CACNA1C: variants seen among roughly 807,000 people sequenced by gnomAD.
CACNA1C encodes the protein calcium voltage-gated channel subunit alpha1 C, also known as voltage-dependent L-type calcium channel subunit alpha-1C.
A neutral mutation model predicts 229.0 loss-of-function variants in CACNA1C; 30 were observed. That is an observed-to-expected ratio of 0.13 (90% CI 0.10 to 0.18). The LOEUF is 0.18. CACNA1C is among the 10% of genes least tolerant of loss of function. The pLI, the probability that CACNA1C is intolerant of heterozygous loss-of-function variation, is 1.00. For missense variants in CACNA1C, 1,658 were observed against 2,845.0 expected (o/e 0.58, Z 9.49); for synonymous variants, 1,114 against 1,132.5 (o/e 0.98, Z 0.33).
chr12:2,327,095 G>C (rs780096938), intron 3 of CACNA1C, among the ~76,000 whole-genome samples: 5 of 152,248 alleles, frequency 3.3e-5, no homozygotes, highest in Non-Finnish European at 7.3e-5. Context: ...TGAGCTGGAA[G>C]CATCTGGTGT....
chr12:2,606,205 C>T (rs1419635887), intron 24 of CACNA1C, among the ~76,000 whole-genome samples: 1 of 152,202 alleles, frequency 6.6e-6, no homozygotes, highest in Admixed American at 6.5e-5. Context: ...TCCTGCAGCA[C>T]CCCTCGTGTC....
Position 2,475,224 on chromosome 12 carries a change from G to A in CACNA1C, c.758-10880G>A, listed in dbSNP as rs952506839. 3.9e-5 allele frequency among the ~76,000 whole-genome samples: 6 copies of A among 152,010 alleles called. No homozygotes were observed. In the East Asian group the frequency reaches 7.8e-4, roughly 20 times the overall value. ...TGAGGCAGGAGAATGGCGTGAACCC[G>A]GTAGGTGGAGCTTGCAGTGAGCCGA... On this transcript the variant is annotated intron_variant, in intron 5 of 46. Transcript: ENST00000399655.
At chr12:2,015,520 G>A (rs1454096643) in intron 1 of CACNA1C, among the ~76,000 whole-genome samples, 1 of 152,224 alleles carries the variant, frequency 6.6e-6, no homozygotes, top group African/African-American at 2.4e-5. Context: ...TTGTACAGAA[G>A]AGACTGAAGC....
chr12:2,052,706 G>A (rs2052579294), upstream of CACNA1C, among the ~76,000 whole-genome samples: 9 of 145,306 alleles, frequency 6.2e-5, no homozygotes, highest in South Asian at 1.9e-3. Flanking sequence ...CCCGCCGGCG[G>A]CCGGGGCCCG....
intron 9 of CACNA1C, among the ~76,000 whole-genome samples, chr12:2,546,513 G>A (rs2099881492): frequency 6.6e-6 from 1 of 152,176 alleles, no homozygotes. Flanking sequence ...GCAGTGGCTG[G>A]TGTCTTCACA....
rs2095337125 is a variant in CACNA1C at position 2,152,547 on chromosome 12, G to T, written c.477+32117G>T. 6.6e-6 allele frequency among the ~76,000 whole-genome samples: 1 copy of T among 152,200 alleles called. No individual in the cohort carries two copies. Among genetic ancestry groups the T allele is most frequent in the African/African-American group, 2.4e-5 (1 of 41,442 alleles). On this transcript the variant is annotated intron_variant, in intron 3 of 46. Transcript: ENST00000399655. This position sits in a 1 kb window ranked among gnomAD's most constrained non-coding sequence, Gnocchi z 4.2. ...AGAAGGCGGTGATGGCTGGGGGAGG[G>T]CTTCCATGGGAGAGAGGAAGTAAAT...
At chr12:2,318,706 G>T (rs1331368304) in intron 3 of CACNA1C, among the ~76,000 whole-genome samples, 2 of 152,130 alleles carry the variant, frequency 1.3e-5, no homozygotes, top group African/African-American at 4.8e-5. Flanking sequence ...GAATAGTGTT[G>T]GGCACGGACT....
chr12:2,643,299 C>T (rs1020541683), intron 30 of CACNA1C, among the ~76,000 whole-genome samples: 1 of 152,210 alleles, frequency 6.6e-6, no homozygotes, highest in Admixed American at 6.5e-5. Flanking sequence ...CCCTGTCCAT[C>T]TTTAGCTTTA....
rs746569073 is a variant in CACNA1C, at chr12:2,067,395, G to A, written c.49+13784G>A. Among the ~76,000 whole-genome samples, 15 of 151,858 alleles carry A rather than the reference G, an allele frequency of 9.9e-5. No homozygotes were observed. Among genetic ancestry groups the A allele is most frequent in the Non-Finnish European group, 1.6e-4 (11 of 67,972 alleles). Reference sequence around the variant, plus strand: ...GAAGAAGATGACAAAAGCCTGGGTGGTGGAGATGGTGGCAGTTTAAGGATG... The same window carrying A: ...GAAGAAGATGACAAAAGCCTGGGTGATGGAGATGGTGGCAGTTTAAGGATG... On this transcript the variant is annotated intron_variant, in intron 1 of 46. Coordinates refer to ENST00000399655, the MANE Select transcript of CACNA1C (RefSeq NM_000719.7). The surrounding 1 kb of genome is among the most constrained non-coding windows in gnomAD (Gnocchi z 5.3).
intron 1 of CACNA1C, among the ~76,000 whole-genome samples, chr12:2,028,159 A>G (rs192168646): frequency 6.6e-6 from 1 of 152,324 alleles, no homozygotes; most frequent in East Asian, 1.9e-4. Flanking sequence ...TTTAGGTTTT[A>G]TTTTCAAAAG....
rs142944796 is a variant in CACNA1C at position 2,367,719 on chromosome 12, A to C, written c.478-81257A>C. On this transcript the variant is annotated intron_variant, in intron 3 of 46. Transcript: ENST00000399655. ...TACCTCTGGAAATTTAGAAATAAAA[A>C]AGAGCAAAAATTAATAAGGAAACAT... 6.6e-5 allele frequency among the ~76,000 whole-genome samples: 10 copies of C among 152,322 alleles called. No homozygotes were observed. In the East Asian group the frequency reaches 1.9e-3, roughly 29 times the overall value.
At chr12:2,080,387 G>A (rs1455859764) in intron 1 of CACNA1C, among the ~76,000 whole-genome samples, 1 of 152,298 alleles carries the variant, frequency 6.6e-6, no homozygotes, top group East Asian at 1.9e-4. Context: ...GGATCACGAG[G>A]TCAGGAGATT....
intron 3 of CACNA1C, among the ~76,000 whole-genome samples, chr12:2,178,741 G>A (rs896979849): frequency 2.6e-5 from 4 of 152,056 alleles, no homozygotes; most frequent in African/African-American, 4.8e-5. Flanking sequence ...TTCTTCCCCC[G>A]TACAAATTCA....
At chr12:2,561,257 G>A (rs2047331588) in intron 11 of CACNA1C, among the ~76,000 whole-genome samples, 2 of 152,184 alleles carry the variant, frequency 1.3e-5, no homozygotes, top group African/African-American at 4.8e-5. Context: ...GACAGTACAA[G>A]GAAATGGGAA....
At chr12:2,514,773 C>T (rs752406730) in intron 9 of CACNA1C, among the ~76,000 whole-genome samples, 4 of 152,086 alleles carry the variant, frequency 2.6e-5, no homozygotes, top group Non-Finnish European at 4.4e-5. Context: ...GATAACAGAA[C>T]GTTGCTATTC....
intron 3 of CACNA1C, among the ~76,000 whole-genome samples, chr12:2,431,121 G>T (rs2099079514): frequency 6.6e-6 from 1 of 152,208 alleles, no homozygotes; most frequent in African/African-American, 2.4e-5. Flanking sequence ...TAGGTCAGTA[G>T]TTCCCAGGCC....
chr12:2,338,387 G>A (rs977231233), intron 3 of CACNA1C, among the ~76,000 whole-genome samples: 1 of 152,192 alleles, frequency 6.6e-6, no homozygotes, highest in African/African-American at 2.4e-5. Context: ...GTCTGAGATA[G>A]ATGCCAAGGC....
chr12:2,265,596 G>A (rs932674485), intron 3 of CACNA1C, among the ~76,000 whole-genome samples: 1 of 152,208 alleles, frequency 6.6e-6, no homozygotes, highest in Non-Finnish European at 1.5e-5. Flanking sequence ...ATCCCCCAGG[G>A]GACCATCTTC....
rs886049229 is a variant in CACNA1C, at chr12:2,694,498, C to G, written c.*3299C>G. 3.3e-5 allele frequency: 5 copies of G among 152,232 alleles called. No homozygotes were observed. In the South Asian group the frequency reaches 1.0e-3, roughly 32 times the overall value. The allele number at this position is 152,232 out of a possible 1,614,324, so 9.4% of individuals were successfully genotyped here. ...ATTTCCAGACCTTGGAGAATTTTTC[C>G]CAGCTTTGATTCAGAAGGTACTAGT... On this transcript the variant is annotated 3_prime_UTR_variant, in exon 47 of 47. Transcript: ENST00000399655.
Sources: allele counts gnomAD v4.1 joint callset (sites outside exome capture counted in the v4.1 genomes callset), GRCh38; gene constraint gnomAD v4.1.1; non-coding constraint Gnocchi (gnomAD v3.1); transcripts MANE v1.5; gene names NCBI Gene and HGNC (gene_info 2026-07-23, HGNC 2026-07-21).